ME1: variants seen among roughly 807,000 people sequenced by gnomAD.
ME1 encodes malic enzyme 1, also known as NADP-dependent malic enzyme.
ME1 carries 74 observed loss-of-function variants against 66.4 expected under a neutral mutation model. The ratio of observed to expected loss-of-function variants is 1.11; its 90% confidence interval spans 0.92 to 1.35. The LOEUF (loss-of-function observed/expected upper bound fraction) is 1.35, where lower values mean the gene tolerates loss of function less well. Among genes scored for constraint, ME1 ranks in the 40% most tolerant of loss-of-function variants. ME1 has a pLI of 0.00. For missense variants in ME1, 750 were observed against 694.1 expected, an observed-to-expected ratio of 1.08 and a Z score of -0.90; for synonymous variants, 251 against 235.6, an observed-to-expected ratio of 1.07 and a Z score of -0.60.
At chr6:83,373,289 G>A (rs1447816488) in intron 3 of ME1, among the ~76,000 whole-genome samples, 1 of 151,884 alleles carries the variant, frequency 6.6e-6, no homozygotes. Flanking sequence ...AGGCTGGAGT[G>A]CAGTGGTGCG....
chr6:83,415,894 T>G (rs1770151444), intron 1 of ME1, among the ~76,000 whole-genome samples: 1 of 152,200 alleles, frequency 6.6e-6, no homozygotes, highest in Non-Finnish European at 1.5e-5. Flanking sequence ...AGTGACATTT[T>G]AGGACAGACA....
At chr6:83,390,110 T>C (rs1275357076) in intron 3 of ME1, among the ~76,000 whole-genome samples, 1 of 152,118 alleles carries the variant, frequency 6.6e-6, no homozygotes, top group Non-Finnish European at 1.5e-5. Flanking sequence ...TATTTTGGGA[T>C]ACCTAGCCAG....
At chr6:83,285,114 T>G (rs1344357676) in intron 6 of ME1, among the ~76,000 whole-genome samples, 1 of 152,136 alleles carries the variant, frequency 6.6e-6, no homozygotes, top group Admixed American at 6.6e-5. Flanking sequence ...TGAATGGGGG[T>G]ATAATATATC....
At chr6:83,283,182 C>T (rs1361684343) in intron 6 of ME1, among the ~76,000 whole-genome samples, 3 of 132,562 alleles carry the variant, frequency 2.3e-5, no homozygotes, top group Non-Finnish European at 3.2e-5. Flanking sequence ...GAGCCGAGAT[C>T]GCGCCACTGC....
chr6:83,333,953 G>T lies in ME1; in HGVS notation c.600+12220C>A, dbSNP rs923290986. The stretch of plus-strand genomic sequence containing the variant: ...TACTGATATAAAACTCCAAGTCAGG[G>T]GGGGAGGAGCCAAGATGGCCGAATA... On this transcript the variant is annotated intron_variant, in intron 5 of 13. Transcript: ENST00000369705. Among the ~76,000 whole-genome samples, 2 of 151,900 alleles carry T rather than the reference G, an allele frequency of 1.3e-5. 1 individual carries two copies. Among genetic ancestry groups the T allele is most frequent in the South Asian group, 4.1e-4 (2 of 4,830 alleles).
At position 83,407,905 on chromosome 6, in the gene ME1, T is replaced by C. The variant is rs201282483; in HGVS notation, c.79-4A>G. ...CTTCCAGGGTAAAGGCCAAGTCCTATAGAGAAAAAACACACACACACACAC... is the reference window on the plus strand; with the variant it reads ...CTTCCAGGGTAAAGGCCAAGTCCTACAGAGAAAAAACACACACACACACAC... On this transcript the variant is annotated splice_polypyrimidine_tract_variant and splice_region_variant and intron_variant, in intron 1 of 13. Coordinates refer to ENST00000369705, the MANE Select transcript of ME1 (RefSeq NM_002395.6). 2.2e-4 allele frequency: 348 copies of C among 1,595,670 alleles called. 1 individual carries two copies. In the African/African-American group the frequency reaches 3.8e-3, roughly 18 times the overall value.
At chr6:83,294,225 T>C (rs1015254821) in intron 6 of ME1, among the ~76,000 whole-genome samples, 1 of 152,236 alleles carries the variant, frequency 6.6e-6, no homozygotes, top group Admixed American at 6.5e-5. Context: ...TAAGAACTGC[T>C]AATTTTACAC....
At chr6:83,353,398 C>A (rs1445857996) in intron 3 of ME1, among the ~76,000 whole-genome samples, 1 of 152,058 alleles carries the variant, frequency 6.6e-6, no homozygotes, top group African/African-American at 2.4e-5. Flanking sequence ...CTGGAACACC[C>A]CTTTAAAGAG....
intron 9 of ME1, among the ~76,000 whole-genome samples, chr6:83,235,100 C>T (rs1362504588): frequency 2.0e-5 from 3 of 152,112 alleles, no homozygotes; most frequent in African/African-American, 7.2e-5. Flanking sequence ...CATGGAGACC[C>T]TAGATAAACT....
chr6:83,363,556 G>A, intron 3 of ME1, among the ~76,000 whole-genome samples: 1 of 152,206 alleles, frequency 6.6e-6, no homozygotes, highest in East Asian at 1.9e-4. Flanking sequence ...AGGAATGGAG[G>A]TTTGGGTCAC....
intron 3 of ME1, among the ~76,000 whole-genome samples, chr6:83,395,212 C>T (rs567322596): frequency 2.0e-5 from 3 of 151,838 alleles, no homozygotes; most frequent in African/African-American, 7.2e-5. Context: ...CTCAGCCTCC[C>T]TAGTAGCTGG....
chr6:83,359,373 G>A (rs1768961722), intron 3 of ME1, among the ~76,000 whole-genome samples: 2 of 152,160 alleles, frequency 1.3e-5, no homozygotes, highest in Admixed American at 1.3e-4. Context: ...AACTGCTTGA[G>A]TTTTCCCATT....
At chr6:83,268,953 A>G (rs973095244) in intron 6 of ME1, among the ~76,000 whole-genome samples, 4 of 152,028 alleles carry the variant, frequency 2.6e-5, no homozygotes, top group African/African-American at 7.2e-5. Context: ...CATAATAAGG[A>G]TTCACTAAAT....
intron 13 of ME1, among the ~76,000 whole-genome samples, chr6:83,213,464 A>C (rs926705582): frequency 1.3e-5 from 2 of 151,844 alleles, no homozygotes; most frequent in African/African-American, 2.4e-5. Context: ...ACAACAACAA[A>C]AAAACAAGCG....
chr6:83,241,723 T>C (rs1790513088), intron 7 of ME1, among the ~76,000 whole-genome samples: 1 of 152,130 alleles, frequency 6.6e-6, no homozygotes, highest in Admixed American at 6.6e-5. Flanking sequence ...ATGTAGAAAA[T>C]TGAAATTTCA....
intron 1 of ME1, among the ~76,000 whole-genome samples, chr6:83,423,048 C>A (rs1770300533): frequency 6.6e-6 from 1 of 151,972 alleles, no homozygotes; most frequent in Non-Finnish European, 1.5e-5. Flanking sequence ...CCTCCAAACC[C>A]AGAAACATTA....
chr6:83,242,686 T>C (rs1790531600), intron 7 of ME1, among the ~76,000 whole-genome samples: 1 of 151,862 alleles, frequency 6.6e-6, no homozygotes, highest in Non-Finnish European at 1.5e-5. Context: ...ACTAAAACAA[T>C]AGAAAACTGC....
At chr6:83,233,376 GT>G (rs1444481397) in intron 9 of ME1, among the ~76,000 whole-genome samples, 1 of 151,996 alleles carries the variant, frequency 6.6e-6, no homozygotes, top group Non-Finnish European at 1.5e-5. Context: ...AGATATTTGA[GT>G]ATGATCCATA....
chr6:83,383,131 C>CACATAT (rs1381711568), intron 3 of ME1, among the ~76,000 whole-genome samples: 1 of 151,806 alleles, frequency 6.6e-6, no homozygotes, highest in Non-Finnish European at 1.5e-5. Context: ...TACATATACA[C>CACATAT]ACATATACAT....
Sources: gnomAD v4.1 joint callset for allele counts (sites outside exome capture counted in the v4.1 genomes callset) on GRCh38, gnomAD v4.1.1 for gene constraint, MANE v1.5 for transcripts, NCBI Gene and HGNC (gene_info 2026-07-23, HGNC 2026-07-21) for gene names.